The following GRID1 variants were observed in gnomAD, a reference collection of about 807,000 sequenced individuals.
The protein encoded by GRID1 is glutamate ionotropic receptor delta type subunit 1, also known as glutamate receptor ionotropic, delta-1.
GRID1 carries 28 observed loss-of-function variants against 98.0 expected under a neutral mutation model. The observed-to-expected ratio is 0.29, with a 90% CI of 0.21 to 0.39. The LOEUF (loss-of-function observed/expected upper bound fraction) is 0.39, where lower values mean the gene tolerates loss of function less well. GRID1 is among the 10% of genes least tolerant of loss of function. GRID1 has a pLI of 1.00. For missense variants in GRID1, 1,111 were observed against 1,340.5 expected (o/e 0.83, Z 2.67); for synonymous variants, 553 against 538.5 (o/e 1.03, Z -0.37).
At chr10:86,243,948 T>C (rs1193169177) in intron 2 of GRID1, among the ~76,000 whole-genome samples, 3 of 152,246 alleles carry the variant, frequency 2.0e-5, no homozygotes, top group Non-Finnish European at 4.4e-5. Context: ...AGCACATGCA[T>C]ACATACCTGC....
At chr10:86,008,282 CAGA>C (rs1170126799) in intron 4 of GRID1, among the ~76,000 whole-genome samples, 1 of 152,172 alleles carries the variant, frequency 6.6e-6, no homozygotes, top group East Asian at 1.9e-4. Flanking sequence ...TGGAAACCCT[CAGA>C]AGGAGGGTTA....
At chr10:85,826,747 T>C (rs908555623) in intron 8 of GRID1, among the ~76,000 whole-genome samples, 1 of 152,156 alleles carries the variant, frequency 6.6e-6, no homozygotes, top group South Asian at 2.1e-4. Flanking sequence ...GCCAACAGAA[T>C]GGGAACACCT....
intron 8 of GRID1, among the ~76,000 whole-genome samples, chr10:85,778,870 A>G (rs1842357385): frequency 6.6e-6 from 1 of 152,154 alleles, no homozygotes; most frequent in Non-Finnish European, 1.5e-5. Context: ...AAATGGGGCC[A>G]ATATCAGTGC....
intron 12 of GRID1, among the ~76,000 whole-genome samples, chr10:85,676,670 T>C (rs1841148933): frequency 1.3e-5 from 2 of 152,292 alleles, no homozygotes; most frequent in South Asian, 4.1e-4. Flanking sequence ...CCATGGACTT[T>C]CAAGTTGCAG....
At chr10:86,082,334 G>A (rs1407219545) in intron 4 of GRID1, among the ~76,000 whole-genome samples, 2 of 152,204 alleles carry the variant, frequency 1.3e-5, no homozygotes, top group Non-Finnish European at 2.9e-5. Context: ...GGAGTTCCTA[G>A]AGGCCAGTTG....
Position 85,984,655 on chromosome 10 carries a change from G to A in GRID1, c.727-68416C>T, listed in dbSNP as rs144450476. ...CTGGAAAGAAACATCAGAGCAAAAC[G>A]GCCCTCAGAAGCTCTTTCAGACACC... On this transcript the variant is annotated intron_variant, in intron 4 of 15. Transcript: ENST00000327946. Among the ~76,000 whole-genome samples the A allele has an allele frequency of 1.9e-4, 29 of 152,288 alleles. No individual in the cohort carries two copies. In the East Asian group the frequency reaches 5.0e-3, roughly 26 times the overall value.
chr10:86,213,722 C>T (rs776105742), intron 2 of GRID1, among the ~76,000 whole-genome samples: 1 of 152,104 alleles, frequency 6.6e-6, no homozygotes, highest in Non-Finnish European at 1.5e-5. Flanking sequence ...GCCCACAAGG[C>T]TCCCCCTGGG....
chr10:85,726,377 C>T (rs1049003821), intron 10 of GRID1, among the ~76,000 whole-genome samples: 1 of 152,102 alleles, frequency 6.6e-6, no homozygotes. Context: ...CTGAAGGGCC[C>T]AGCTGATTTT....
intron 4 of GRID1, among the ~76,000 whole-genome samples, chr10:86,072,243 C>T (rs887226485): frequency 6.6e-6 from 1 of 151,990 alleles, no homozygotes; most frequent in African/African-American, 2.4e-5. Context: ...AGTCAACTTT[C>T]CTCCAAAAAA....
At chr10:85,744,213 G>A (rs1320484772) in intron 8 of GRID1, among the ~76,000 whole-genome samples, 1 of 152,126 alleles carries the variant, frequency 6.6e-6, no homozygotes, top group Non-Finnish European at 1.5e-5. Context: ...TCTTAAAGAT[G>A]TACCTCACAG....
chr10:85,823,667 GA>G (rs1011984872), intron 8 of GRID1, among the ~76,000 whole-genome samples: 13 of 151,334 alleles, frequency 8.6e-5, no homozygotes, highest in South Asian at 6.3e-4. Context: ...CTTGAGAAAT[GA>G]AAAAAAACTA....
At chr10:85,689,090 G>A (rs1256907416) in intron 12 of GRID1, among the ~76,000 whole-genome samples, 2 of 152,132 alleles carry the variant, frequency 1.3e-5, no homozygotes, top group Non-Finnish European at 2.9e-5. Flanking sequence ...AGGCTTTTCA[G>A]TTTAAAATGT....
chr10:85,605,892 C>T (rs1158998328), intron 15 of GRID1: 1 of 152,180 alleles, frequency 6.6e-6, no homozygotes, highest in Non-Finnish European at 1.5e-5. Context: ...GACAGACCAG[C>T]CAAAATTCTC....
rs563306073 is a variant in GRID1, at chr10:85,922,702, C to T, written c.727-6463G>A. On this transcript the variant is annotated intron_variant, in intron 4 of 15. Transcript: ENST00000327946. ...CCCTCCAAAGCATGCAGGAGCGCAA[C>T]GCCCCTCCATTTGCAAGGAAGGGGT... Among the ~76,000 whole-genome samples the T allele has an allele frequency of 1.3e-3, 196 of 152,328 alleles. 1 individual carries two copies. Among genetic ancestry groups the T allele is most frequent in the Non-Finnish European group, 1.8e-3 (121 of 68,036 alleles).
intron 2 of GRID1, among the ~76,000 whole-genome samples, chr10:86,281,748 C>T (rs1037723351): frequency 6.6e-5 from 10 of 152,086 alleles, no homozygotes; most frequent in Non-Finnish European, 1.5e-4. Flanking sequence ...TGTAGATGCC[C>T]ATGTCCCATC....
At chr10:85,813,240 CAGTCAGTGA>C (rs764125606) in intron 8 of GRID1, among the ~76,000 whole-genome samples, 2 of 151,232 alleles carry the variant, frequency 1.3e-5, no homozygotes, top group Non-Finnish European at 3.0e-5. Context: ...GGATTCAAGA[CAGTCAGTGA>C]ACTCCAAAAA....
chr10:85,610,814 T>C (rs888019304), intron 15 of GRID1, among the ~76,000 whole-genome samples: 1 of 152,108 alleles, frequency 6.6e-6, no homozygotes, highest in African/African-American at 2.4e-5. Flanking sequence ...GCATTTGAAA[T>C]TTGGAAACCC....
chr10:86,346,467 C>T (rs538027088), intron 2 of GRID1, among the ~76,000 whole-genome samples: 17 of 152,348 alleles, frequency 1.1e-4, no homozygotes, highest in African/African-American at 4.1e-4. Flanking sequence ...AGGCCCTGAC[C>T]ATCCTGTAGC....
intron 13 of GRID1, among the ~76,000 whole-genome samples, chr10:85,635,203 G>T (rs1316044927): frequency 6.6e-6 from 1 of 152,092 alleles, no homozygotes; most frequent in Non-Finnish European, 1.5e-5. Context: ...AGATTTGCTT[G>T]GCAATGCTCA....
Sources: gnomAD v4.1 joint callset for allele counts (sites outside exome capture counted in the v4.1 genomes callset) on GRCh38, gnomAD v4.1.1 for gene constraint, MANE v1.5 for transcripts, NCBI Gene and HGNC (gene_info 2026-07-23, HGNC 2026-07-21) for gene names.